TENM4: variants seen among roughly 807,000 people sequenced by gnomAD.
The protein encoded by TENM4 is teneurin-4.
In TENM4, 82 loss-of-function variants were observed where a neutral mutation model predicts 243.3. The ratio of observed to expected loss-of-function variants is 0.34; its 90% confidence interval spans 0.28 to 0.40. TENM4 has a LOEUF of 0.40. Among genes scored for constraint, TENM4 ranks in the 10% least tolerant of loss-of-function variants. The pLI is 1.00. For missense variants in TENM4, 3,138 were observed against 3,673.3 expected (o/e 0.85, Z 3.77); for synonymous variants, 1,412 against 1,456.3 (o/e 0.97, Z 0.69).
chr11:78,995,901 A>C (rs770107753), intron 6 of TENM4, among the ~76,000 whole-genome samples: 15 of 152,092 alleles, frequency 9.9e-5, no homozygotes, highest in Non-Finnish European at 1.8e-4. Context: ...GGGATAAGAA[A>C]ACCTACCTGG....
At chr11:78,730,346 A>G (rs1855624717) in intron 21 of TENM4, among the ~76,000 whole-genome samples, 1 of 152,204 alleles carries the variant, frequency 6.6e-6, no homozygotes, top group Admixed American at 6.5e-5. Context: ...CTTTTCGGGA[A>G]ATTAAACAGA....
chr11:78,665,144 CTTCT>C (rs748287491), intron 32 of TENM4, among the ~76,000 whole-genome samples: 32 of 152,026 alleles, frequency 2.1e-4, no homozygotes, highest in Non-Finnish European at 3.8e-4. Flanking sequence ...TCCTTCCTTC[CTTCT>C]TTCTTTTCTT....
chr11:78,789,193 A>C (rs1439205037), intron 15 of TENM4, among the ~76,000 whole-genome samples: 1 of 152,156 alleles, frequency 6.6e-6, no homozygotes, highest in Non-Finnish European at 1.5e-5. Context: ...CTGGGGCTAT[A>C]GGTGCCTGAG....
At chr11:79,080,426 C>CAG (rs1860638635) in intron 4 of TENM4, among the ~76,000 whole-genome samples, 1 of 152,248 alleles carries the variant, frequency 6.6e-6, no homozygotes, top group Non-Finnish European at 1.5e-5. Context: ...GGGTGGGCAG[C>CAG]AGAGGCTGCC....
At chr11:78,969,640 A>G (rs1475512834) in intron 6 of TENM4, among the ~76,000 whole-genome samples, 1 of 152,170 alleles carries the variant, frequency 6.6e-6, no homozygotes, top group East Asian at 1.9e-4. Context: ...CTATGATAAA[A>G]CCCCATCTAG....
At chr11:78,843,938 A>G (rs56157195) in intron 12 of TENM4, among the ~76,000 whole-genome samples, 24,195 of 152,054 alleles carry the variant, frequency 0.16, 3,565 homozygotes, top group African/African-American at 0.39. Flanking sequence ...GCAGGGAAAA[A>G]CATCAGTGAT....
intron 4 of TENM4, among the ~76,000 whole-genome samples, chr11:79,146,667 C>A (rs1862400400): frequency 6.6e-6 from 1 of 152,028 alleles, no homozygotes; most frequent in Admixed American, 6.6e-5. Flanking sequence ...AAAAAAGCCA[C>A]TAACCAAGGG....
At chr11:79,007,492 C>T (rs1052745217) in intron 6 of TENM4, among the ~76,000 whole-genome samples, 4 of 152,146 alleles carry the variant, frequency 2.6e-5, no homozygotes, top group African/African-American at 9.7e-5. Context: ...CTGTGTCAGG[C>T]ATCCACTGGG....
intron 3 of TENM4, among the ~76,000 whole-genome samples, chr11:79,189,955 T>G (rs887455213): frequency 6.6e-6 from 1 of 152,334 alleles, no homozygotes; most frequent in South Asian, 2.1e-4. Flanking sequence ...CAGTCACCTG[T>G]AGGCTTAGAG....
chr11:79,378,282 A>AG (rs1333528533), intron 1 of TENM4, among the ~76,000 whole-genome samples: 3 of 152,146 alleles, frequency 2.0e-5, no homozygotes, highest in Non-Finnish European at 4.4e-5. Context: ...CCAATGGAGT[A>AG]GGGGGCCTGG....
intron 2 of TENM4, among the ~76,000 whole-genome samples, chr11:79,229,247 G>A (rs1565259672): frequency 6.6e-6 from 1 of 152,324 alleles, no homozygotes; most frequent in South Asian, 2.1e-4. Flanking sequence ...TGGTAGACAG[G>A]TTCTGCCATC....
chr11:79,078,291 A>G (rs1300034127), intron 4 of TENM4, among the ~76,000 whole-genome samples: 1 of 152,208 alleles, frequency 6.6e-6, no homozygotes, highest in South Asian at 2.1e-4. Flanking sequence ...GTGTGTCAAA[A>G]AGGGCCCATA....
intron 1 of TENM4, among the ~76,000 whole-genome samples, chr11:79,375,321 A>C (rs1857870417): frequency 2.0e-5 from 3 of 152,216 alleles, no homozygotes; most frequent in Admixed American, 2.0e-4. Flanking sequence ...AAAAGAAAAA[A>C]GTAGGACAAA....
chr11:78,920,529 C>T lies in TENM4; in HGVS notation c.494-17006G>A, dbSNP rs78364858. 1.3e-4 allele frequency among the ~76,000 whole-genome samples: 20 copies of T among 152,242 alleles called. No individual in the cohort carries two copies. In the East Asian group the frequency reaches 1.7e-3, roughly 13 times the overall value. On this transcript the variant is annotated intron_variant, in intron 6 of 33. Transcript: ENST00000278550. ...GTAACACAGCCTGCAGCTTTGTTCACGGTCTCGTCCTCTCGCTGCATTACT... is the reference window on the plus strand; with the variant it reads ...GTAACACAGCCTGCAGCTTTGTTCATGGTCTCGTCCTCTCGCTGCATTACT...
At chr11:79,383,421 A>G (rs1858047488) in intron 1 of TENM4, among the ~76,000 whole-genome samples, 1 of 152,070 alleles carries the variant, frequency 6.6e-6, no homozygotes, top group Non-Finnish European at 1.5e-5. Flanking sequence ...TCCACAAAAC[A>G]CTTCCTTCAT....
At chr11:79,240,869 CT>C (rs763834253) in intron 2 of TENM4, among the ~76,000 whole-genome samples, 1 of 152,142 alleles carries the variant, frequency 6.6e-6, no homozygotes, top group Non-Finnish European at 1.5e-5. Context: ...GGAAAATCAC[CT>C]ATCTTGCAGA....
chr11:78,962,226 G>A (rs1322299650), intron 6 of TENM4: 2 of 152,442 alleles, frequency 1.3e-5, no homozygotes, highest in African/African-American at 4.8e-5. Context: ...GTCTGAGTCC[G>A]GGGTTGGCTG....
intron 25 of TENM4, among the ~76,000 whole-genome samples, chr11:78,719,874 G>A (rs968751216): frequency 1.3e-5 from 2 of 152,184 alleles, no homozygotes; most frequent in Non-Finnish European, 2.9e-5. Context: ...CCTGGAGCCT[G>A]CTTTCTCACT....
At chr11:79,327,068 G>C (rs2135437533) in intron 1 of TENM4, among the ~76,000 whole-genome samples, 1 of 152,264 alleles carries the variant, frequency 6.6e-6, no homozygotes, top group South Asian at 2.1e-4. Flanking sequence ...GTGATACTCA[G>C]GACTTGATTC....
Sources: gnomAD v4.1 joint callset for allele counts (sites outside exome capture counted in the v4.1 genomes callset) on GRCh38, gnomAD v4.1.1 for gene constraint, MANE v1.5 for transcripts, NCBI Gene and HGNC (gene_info 2026-07-23, HGNC 2026-07-21) for gene names.